The following ZNF599 variants were observed in gnomAD, a reference collection of about 807,000 sequenced individuals.
ZNF599 encodes zinc finger protein 599.
Under a neutral mutation model 11.7 loss-of-function variants are expected in ZNF599, and 10 were observed. That is an observed-to-expected ratio of 0.86 (90% CI 0.53 to 1.45). The LOEUF is 1.45. Ranked by LOEUF, ZNF599 falls within the 40% of genes most tolerant of loss-of-function variation. The pLI is 0.00. For missense variants in ZNF599, 688 were observed against 713.6 expected, an observed-to-expected ratio of 0.96 and a Z score of 0.41; for synonymous variants, 232 against 253.2, an observed-to-expected ratio of 0.92 and a Z score of 0.79.
the ZNF599 span, among the ~76,000 whole-genome samples, chr19:34,794,770 C>T: frequency 1.4e-4 from 21 of 152,032 alleles, no homozygotes; most frequent in Non-Finnish European, 1.5e-5. Flanking sequence ...AGCGTTTCAC[C>T]ATGTTGGCCA....
At chr19:34,775,253 A>G (rs2069212691), upstream of ZNF599, among the ~76,000 whole-genome samples, 1 of 152,220 alleles carries the variant, frequency 6.6e-6, no homozygotes, top group South Asian at 2.1e-4. Flanking sequence ...AACCTAACAC[A>G]TTTACCAACT....
the ZNF599 span, among the ~76,000 whole-genome samples, chr19:34,784,571 C>G: frequency 6.6e-6 from 1 of 152,184 alleles, no homozygotes; most frequent in Non-Finnish European, 1.5e-5. Flanking sequence ...TAACCACACA[C>G]AGATGTTTGA....
chr19:34,793,372 C>T, the ZNF599 span, among the ~76,000 whole-genome samples: 1 of 152,140 alleles, frequency 6.6e-6, no homozygotes, highest in Non-Finnish European at 1.5e-5. Context: ...GTGCCTGGAA[C>T]AGGGCCTGGC....
At chr19:34,794,583 T>C in the ZNF599 span, among the ~76,000 whole-genome samples, 1 of 151,842 alleles carries the variant, frequency 6.6e-6, no homozygotes, top group African/African-American at 2.4e-5. Context: ...TTTCTTTTTT[T>C]TTTTTGAGAC....
At chr19:34,773,882 A>G (rs2069202867), upstream of ZNF599, among the ~76,000 whole-genome samples, 1 of 152,182 alleles carries the variant, frequency 6.6e-6, no homozygotes, top group South Asian at 2.1e-4. Flanking sequence ...CATAAGAGCT[A>G]TTGCTGTCAT....
the ZNF599 span, among the ~76,000 whole-genome samples, chr19:34,803,960 T>C: frequency 6.6e-6 from 1 of 152,184 alleles, no homozygotes; most frequent in Admixed American, 6.5e-5. Flanking sequence ...CCTCCCCACA[T>C]GCTACTCACC....
chr19:34,806,092 G>A, the ZNF599 span, among the ~76,000 whole-genome samples: 1,339 of 152,274 alleles, frequency 8.8e-3, 5 homozygotes, highest in East Asian at 0.032. Flanking sequence ...GTTGGGACCA[G>A]TGAGGGCTCA....
the ZNF599 span, among the ~76,000 whole-genome samples, chr19:34,783,858 A>G: frequency 6.6e-6 from 1 of 152,004 alleles, no homozygotes; most frequent in South Asian, 2.1e-4. Flanking sequence ...CCTGCCTCGT[A>G]ACTCTAGGCC....
At chr19:34,800,874 C>T in the ZNF599 span, among the ~76,000 whole-genome samples, 14 of 152,266 alleles carry the variant, frequency 9.2e-5, no homozygotes, top group African/African-American at 1.2e-4. Context: ...GGATTACAGG[C>T]GTGAGACACC....
At chr19:34,786,792 A>T in the ZNF599 span, among the ~76,000 whole-genome samples, 1 of 152,190 alleles carries the variant, frequency 6.6e-6, no homozygotes, top group African/African-American at 2.4e-5. Flanking sequence ...AGAGGTTGCT[A>T]ATAGGAGACT....
chr19:34,789,425 T>A, the ZNF599 span, among the ~76,000 whole-genome samples: 1 of 152,230 alleles, frequency 6.6e-6, no homozygotes, highest in East Asian at 1.9e-4. Flanking sequence ...TTGAGAAACT[T>A]CCATACTGTT....
the ZNF599 span, among the ~76,000 whole-genome samples, chr19:34,785,363 C>T: frequency 6.6e-6 from 1 of 152,302 alleles, no homozygotes; most frequent in African/African-American, 2.4e-5. Flanking sequence ...CCACCGTATG[C>T]CTCTACAGCC....
chr19:34,793,620 T>C, the ZNF599 span, among the ~76,000 whole-genome samples: 1 of 152,152 alleles, frequency 6.6e-6, no homozygotes, highest in African/African-American at 2.4e-5. Context: ...GTGCTTCTGA[T>C]GTAGGTGAAC....
upstream of ZNF599, among the ~76,000 whole-genome samples, chr19:34,776,770 T>C (rs1015589751): frequency 6.6e-6 from 1 of 152,224 alleles, no homozygotes; most frequent in African/African-American, 2.4e-5. Flanking sequence ...GCTCTGTGAC[T>C]GCCTCTGCAG....
At chr19:34,779,243 C>CTTTTTT in the ZNF599 span, among the ~76,000 whole-genome samples, 6 of 57,318 alleles carry the variant, frequency 1.0e-4, no homozygotes, top group South Asian at 8.1e-4. Context: ...CCATGCCCAG[C>CTTTTTT]TTTTTTTTTT....
At chr19:34,801,461 C>CT in the ZNF599 span, among the ~76,000 whole-genome samples, 1 of 152,236 alleles carries the variant, frequency 6.6e-6, no homozygotes, top group African/African-American at 2.4e-5. Flanking sequence ...ATATTTGCAG[C>CT]TGAAGGTTTT....
upstream of ZNF599, among the ~76,000 whole-genome samples, chr19:34,773,495 C>G (rs1203765203): frequency 6.6e-6 from 1 of 152,180 alleles, no homozygotes; most frequent in East Asian, 1.9e-4. Flanking sequence ...GCAACTCACG[C>G]CTTGACTTTC....
chr19:34,800,607 T>C, the ZNF599 span, among the ~76,000 whole-genome samples: 1 of 141,190 alleles, frequency 7.1e-6, no homozygotes, highest in East Asian at 2.2e-4. Context: ...TTTTTTTTTC[T>C]TTTTTTGAGA....
intron 1 of ZNF599, chr19:34,772,568 G>C: frequency 7.5e-7 from 1 of 1,340,568 alleles, no homozygotes; most frequent in Non-Finnish European, 9.5e-7. Context: ...AGGGAATGGA[G>C]GCCGAGGGCA....
Sources: allele counts gnomAD v4.1 joint callset (sites outside exome capture counted in the v4.1 genomes callset), GRCh38; gene constraint gnomAD v4.1.1; transcripts MANE v1.5; gene names NCBI Gene and HGNC (gene_info 2026-07-23, HGNC 2026-07-21).